Variants in PRELID2 observed in about 807,000 individuals in gnomAD.
PRELID2 encodes PRELI domain containing 2, also known as PRELI domain-containing protein 2.
In PRELID2, 25 loss-of-function variants were observed where a neutral mutation model predicts 28.4. The ratio of observed to expected loss-of-function variants is 0.88; its 90% CI spans 0.64 to 1.23. PRELID2 has a LOEUF of 1.23. PRELID2 is among the 50% of genes most tolerant of loss of function. The probability of loss-of-function intolerance (pLI) is 0.00; values close to 1 mark genes in which losing one functional copy is unlikely to be tolerated. For synonymous variants in PRELID2, 76 were observed against 71.6 expected, an observed-to-expected ratio of 1.06 and a Z score of -0.31; for missense variants, 201 against 214.4, an observed-to-expected ratio of 0.94 and a Z score of 0.39.
intron 1 of PRELID2, among the ~76,000 whole-genome samples, chr5:145,577,021 C>A (rs1753066253): frequency 6.6e-6 from 1 of 152,132 alleles, no homozygotes; most frequent in African/African-American, 2.4e-5. Flanking sequence ...AGGCACTTCC[C>A]AGCACCACAA....
intron 2 of PRELID2, among the ~76,000 whole-genome samples, chr5:145,821,152 G>GGGGTGTGTGT (rs1471788872): frequency 2.3e-5 from 2 of 88,192 alleles, no homozygotes; most frequent in South Asian, 4.4e-4. Context: ...AACTCTCCTG[G>GGGGTGTGTGT]GTGTGTGTGT....
intron 1 of PRELID2, among the ~76,000 whole-genome samples, chr5:145,502,960 A>G (rs1460352098): frequency 6.6e-6 from 1 of 152,032 alleles, no homozygotes; most frequent in Admixed American, 6.5e-5. Context: ...TTCATCTTTC[A>G]CTGAAAGAAG....
the PRELID2 span, among the ~76,000 whole-genome samples, chr5:145,264,694 C>T: frequency 0.011 from 1,648 of 152,042 alleles, 33 homozygotes; most frequent in African/African-American, 0.038. Context: ...GTAAACAGAG[C>T]CAGGCACGGT....
chr5:145,783,996 G>C (rs539759749), intron 5 of PRELID2, among the ~76,000 whole-genome samples: 9 of 152,184 alleles, frequency 5.9e-5, no homozygotes, highest in South Asian at 4.1e-4. Context: ...AGGCTTGGAG[G>C]GGGGCTGGGG....
intron 1 of PRELID2, among the ~76,000 whole-genome samples, chr5:145,750,569 A>G (rs145193022): frequency 6.6e-6 from 1 of 152,264 alleles, no homozygotes; most frequent in African/African-American, 2.4e-5. Flanking sequence ...AAATTTTCAA[A>G]TTTCACTTTT....
intron 1 of PRELID2, among the ~76,000 whole-genome samples, chr5:145,705,022 T>G (rs530661325): frequency 2.0e-5 from 3 of 152,194 alleles, no homozygotes; most frequent in Non-Finnish European, 4.4e-5. Context: ...TTCCATTTTC[T>G]TGTTTAAGAC....
chr5:145,695,989 T>C (rs1755252146), intron 1 of PRELID2, among the ~76,000 whole-genome samples: 1 of 152,086 alleles, frequency 6.6e-6, no homozygotes, highest in African/African-American at 2.4e-5. Context: ...TTAACATATG[T>C]GAAAGTTTAA....
the PRELID2 span, among the ~76,000 whole-genome samples, chr5:145,330,080 G>T: frequency 2.0e-5 from 3 of 152,096 alleles, no homozygotes; most frequent in Non-Finnish European, 4.4e-5. Context: ...TATGTTTTTT[G>T]ATTTGTGTAC....
intron 1 of PRELID2, among the ~76,000 whole-genome samples, chr5:145,829,556 GATT>G (rs1755446166): frequency 6.6e-6 from 1 of 152,176 alleles, no homozygotes; most frequent in African/African-American, 2.4e-5. Flanking sequence ...AGAAGACAGT[GATT>G]ATTATTCTCA....
chr5:145,499,505 A>G (rs1038425745), intron 1 of PRELID2, among the ~76,000 whole-genome samples: 3 of 152,172 alleles, frequency 2.0e-5, no homozygotes, highest in Non-Finnish European at 4.4e-5. Context: ...ATGTGCTCCA[A>G]AGACAACTGA....
intron 1 of PRELID2, among the ~76,000 whole-genome samples, chr5:145,647,043 G>A (rs1754208658): frequency 6.6e-6 from 1 of 152,176 alleles, no homozygotes; most frequent in African/African-American, 2.4e-5. Context: ...GAGCTCGAAC[G>A]CTGTGCTTGG....
chr5:145,297,145 C>T, the PRELID2 span, among the ~76,000 whole-genome samples: 1 of 151,916 alleles, frequency 6.6e-6, no homozygotes. Flanking sequence ...TGTAGGTTGC[C>T]TGTTCACTCT....
chr5:145,728,997 C>G, intron 1 of PRELID2: 1 of 729,618 alleles, frequency 1.4e-6, no homozygotes, highest in Admixed American at 1.9e-5. Context: ...AGAGGGGTCC[C>G]ACTCCCTCCT....
At chr5:145,746,233 G>C (rs1756987479) in intron 1 of PRELID2, among the ~76,000 whole-genome samples, 1 of 152,132 alleles carries the variant, frequency 6.6e-6, no homozygotes, top group Admixed American at 6.5e-5. Flanking sequence ...ATTAGATAAA[G>C]AGTCAAGACC....
intron 1 of PRELID2, among the ~76,000 whole-genome samples, chr5:145,580,614 AG>A (rs1753100177): frequency 6.6e-6 from 1 of 152,050 alleles, no homozygotes; most frequent in South Asian, 2.1e-4. Context: ...TCTGTAACCA[AG>A]GGGCAGAGTT....
At chr5:145,488,362 G>C (rs1752240729) in intron 1 of PRELID2, among the ~76,000 whole-genome samples, 1 of 152,116 alleles carries the variant, frequency 6.6e-6, no homozygotes, top group Non-Finnish European at 1.5e-5. Flanking sequence ...AGTGTTGACT[G>C]CAAGGCCCTC....
the PRELID2 span, among the ~76,000 whole-genome samples, chr5:145,285,679 A>T: frequency 6.6e-6 from 1 of 152,144 alleles, no homozygotes; most frequent in Non-Finnish European, 1.5e-5. Flanking sequence ...TCCAGCATTA[A>T]TCTCTGCACA....
rs143268817 is a variant in PRELID2 at position 145,830,950 on chromosome 5, C to T, written c.75+4227G>A. Among the ~76,000 whole-genome samples, 70 of 152,288 alleles carry T rather than the reference C, an allele frequency of 4.6e-4. No individual in the cohort carries two copies. The East Asian group carries it at 0.013, about 28-fold the overall frequency. Reference sequence around the variant, plus strand: ...TAGATCTGATTTAAAATAGAACTTCCTCAGTGCTAAAGCAGCTTCAAACAT... The same window carrying T: ...TAGATCTGATTTAAAATAGAACTTCTTCAGTGCTAAAGCAGCTTCAAACAT... On this transcript the variant is annotated intron_variant, in intron 1 of 6. Coordinates refer to ENST00000683046, the MANE Select transcript of PRELID2 (RefSeq NM_205846.3).
chr5:145,504,640 C>T (rs762450607), intron 1 of PRELID2, among the ~76,000 whole-genome samples: 5 of 152,040 alleles, frequency 3.3e-5, no homozygotes, highest in Non-Finnish European at 7.4e-5. Flanking sequence ...CAGCTAAGTA[C>T]CTCCCTTTTA....
Sources: allele counts gnomAD v4.1 joint callset (sites outside exome capture counted in the v4.1 genomes callset), GRCh38; gene constraint gnomAD v4.1.1; transcripts MANE v1.5; gene names NCBI Gene and HGNC (gene_info 2026-07-23, HGNC 2026-07-21).